Variants in SLC25A41 observed in about 807,000 individuals in gnomAD.
SLC25A41 encodes mitochondrial carrier protein SCaMC-3L.
SLC25A41 carries 35 observed loss-of-function variants against 34.7 expected under a neutral mutation model. That is an observed-to-expected ratio of 1.01 (90% CI 0.77 to 1.34). The LOEUF (loss-of-function observed/expected upper bound fraction) is 1.34. SLC25A41 is among the 40% of genes most tolerant of loss of function. The pLI is 0.00. For synonymous variants in SLC25A41, 190 were observed against 209.9 expected, an observed-to-expected ratio of 0.91 and a Z score of 0.82; for missense variants, 492 against 489.8, an observed-to-expected ratio of 1.00 and a Z score of -0.04.
Position 6,427,314 on chromosome 19 carries a change from C to G in SLC25A41, c.792+20G>C. The G allele has an allele frequency of 6.2e-7, 1 of 1,605,456 alleles. No individual in the cohort carries two copies. Among genetic ancestry groups the G allele is most frequent in the South Asian group, 1.1e-5 (1 of 90,530 alleles). On this transcript the variant is annotated intron_variant, in intron 5 of 6. Coordinates refer to ENST00000321510, the MANE Select transcript of SLC25A41 (RefSeq NM_173637.4). This position sits in a 1 kb window ranked among gnomAD's most constrained non-coding sequence, Gnocchi z 4.9. ...CCTGGGCTCCGGCCAGCCCTGCCAC[C>G]CCCTCTGCAGGACCCATACCTCATA...
chr19:6,433,568 C>T lies in SLC25A41; in HGVS notation c.126G>A (p.Trp42Ter), dbSNP rs150906124. 5.6e-6 allele frequency: 9 copies of T among 1,613,272 alleles called. No individual in the cohort carries two copies. The highest frequency in any genetic ancestry group is 5.1e-6 in the Non-Finnish European group (6 of 1,179,692). Residue 42 changes from tryptophan (W) to a stop codon, truncating the protein, a stop_gained, in exon 1 of 7, where the codon TGG (tryptophan) becomes TGA (stop). Transcript: ENST00000321510. LOFTEE classifies it high-confidence loss of function. ...PPQPPPPPPSWNPGCTHVYGY... is the reference protein window; with the variant it reads ...PPQPPPPPPS ...CATACACGTGTGTACAGCCAGGGTT[C>T]CAGGATGGGGGTGGAGGCGGAGGTT...
rs1375418141 is a variant in SLC25A41, at chr19:6,430,095, CGCCCTCCTGG to C, written c.420_429del (p.Gln141AlafsTer67). 6.2e-7 allele frequency: 1 copy of C among 1,613,048 alleles called. No individual in the cohort carries two copies. The highest frequency in any genetic ancestry group is 8.5e-7 in the Non-Finnish European group (1 of 1,179,564). ...TTGCCCCGCCACAGGGAGCGGAAGCCGCCCTCCTGGACCATGCTCTGTAGCCCCCCCAGCA... is the reference window on the plus strand; with the variant it reads ...TTGCCCCGCCACAGGGAGCGGAAGCCACCATGCTCTGTAGCCCCCCCAGCA... On this transcript the variant is annotated frameshift_variant, in exon 3 of 7. Coordinates refer to ENST00000321510, the MANE Select transcript of SLC25A41 (RefSeq NM_173637.4). LOFTEE classifies it high-confidence loss of function.
rs2092238336 is a variant in SLC25A41, at chr19:6,426,167, G to A, written c.*222C>T. On this transcript the variant is annotated 3_prime_UTR_variant, in exon 7 of 7. Coordinates refer to ENST00000321510, the MANE Select transcript of SLC25A41 (RefSeq NM_173637.4). ...TCTCAGGCTGCACCCTGGGGAGGGAGTCCCAGGAGTTTTCTGACCCAGCAC... is the reference window on the plus strand; with the variant it reads ...TCTCAGGCTGCACCCTGGGGAGGGAATCCCAGGAGTTTTCTGACCCAGCAC... 1 of 531,186 alleles carries A rather than the reference G, an allele frequency of 1.9e-6. No individual in the cohort carries two copies. The highest frequency in any genetic ancestry group is 3.4e-6 in the Non-Finnish European group (1 of 297,134). The allele number at this position is 531,186 out of a possible 1,614,324, so 32.9% of individuals were successfully genotyped here.
rs2092247027 is a variant in SLC25A41 at position 6,427,304 on chromosome 19, G to A, written c.792+30C>T. 2 of 1,606,212 alleles carry A rather than the reference G, an allele frequency of 1.2e-6. No homozygotes were observed. The highest frequency in any genetic ancestry group is 1.3e-5 in the African/African-American group (1 of 74,822). ...TCACTAGGAGCCTGGGCTCCGGCCA[G>A]CCCTGCCACCCCCTCTGCAGGACCC... is the stretch of plus-strand genomic sequence containing the variant. On this transcript the variant is annotated intron_variant, in intron 5 of 6. Coordinates refer to ENST00000321510, the MANE Select transcript of SLC25A41 (RefSeq NM_173637.4). This position sits in a 1 kb window ranked among gnomAD's most constrained non-coding sequence, Gnocchi z 4.9.
chr19:6,434,189 C>T (rs534506051), upstream of SLC25A41, among the ~76,000 whole-genome samples: 1 of 152,226 alleles, frequency 6.6e-6, no homozygotes, highest in South Asian at 2.1e-4. Flanking sequence ...ATGATCTGCC[C>T]ACCTCAGCCT....
rs758459773 is a variant in SLC25A41 at position 6,430,032 on chromosome 19, T to A, written c.493A>T (p.Ile165Phe). The change falls in exon 3 of 7, where the codon ATC (isoleucine) becomes TTC (phenylalanine). Residue 165 changes from isoleucine to phenylalanine, a missense_variant. Coordinates refer to ENST00000321510, the MANE Select transcript of SLC25A41 (RefSeq NM_173637.4). ...ACCTGCTCGAATACGGAGAACTTGATGGCATACTCAGGAGCAATCTTGAGC... is the reference window on the plus strand; with the variant it reads ...ACCTGCTCGAATACGGAGAACTTGAAGGCATACTCAGGAGCAATCTTGAGC... ...NVLKIAPEYA[I>F]KFSVFEQCKN... 1.2e-6 allele frequency: 2 copies of A among 1,612,624 alleles called. No homozygotes were observed. The highest frequency in any genetic ancestry group is 2.2e-5 in the South Asian group (2 of 90,836).
In SLC25A41 at chr19:6,432,122, A is replaced by G. The variant is rs140875095; in HGVS notation, c.290T>C (p.Leu97Pro). Residue 97 changes from leucine to proline, a missense_variant, in exon 2 of 7, where the codon CTC (leucine) becomes CCC (proline). By Grantham distance (98) the Leu-to-Pro change is moderately conservative. Coordinates refer to ENST00000321510, the MANE Select transcript of SLC25A41 (RefSeq NM_173637.4). ...DNKEALWKFL[L>P]SGAMAGAVSR... The stretch of plus-strand genomic sequence containing the variant: ...CACCGCCCCGGCCATAGCTCCTGAG[A>G]GTAGAAACTTCCACAAGGCCTCCTT... The G allele has an allele frequency of 3.1e-6, 5 of 1,613,922 alleles. No homozygotes were observed. The highest frequency in any genetic ancestry group is 1.7e-5 in the Admixed American group (1 of 59,998).
chr19:6,432,267 C>T, intron 1 of SLC25A41, 63 bp from the exon 2 acceptor site: 4 of 1,542,340 alleles, frequency 2.6e-6, no homozygotes, highest in Admixed American at 1.9e-5. Flanking sequence ...CCCAGACACA[C>T]ATCTAGGGCA....
rs939284914 is a variant in SLC25A41, at chr19:6,427,548, A to G, written c.625-47T>C. 4.1e-6 allele frequency: 6 copies of G among 1,453,204 alleles called. No homozygotes were observed. The highest frequency in any genetic ancestry group is 2.6e-5 in the Admixed American group (1 of 38,824). 90.0% of individuals were successfully genotyped at this position (1,453,204 alleles called of 1,614,324 possible). A position where few individuals can be genotyped will look rare whatever the true frequency, so the allele number is the denominator to read the frequency against. ...GCAGCTCATTTGATTGAATCCTGTC[A>G]ATGACCCTCGGGGTAGCCATTGTCC... On this transcript the variant is annotated intron_variant, in intron 4 of 6. Coordinates refer to ENST00000321510, the MANE Select transcript of SLC25A41 (RefSeq NM_173637.4). The surrounding 1 kb of genome is among the most constrained non-coding windows in gnomAD (Gnocchi z 4.9).
chr19:6,429,033 A>AT (rs1568349274), intron 4 of SLC25A41, among the ~76,000 whole-genome samples: 1 of 44,004 alleles, frequency 2.3e-5, no homozygotes, highest in Non-Finnish European at 3.4e-5. Flanking sequence ...TTATATATAT[A>AT]TATATAATAT....
chr19:6,435,864 CA>C (rs1188024567), upstream of SLC25A41, among the ~76,000 whole-genome samples: 1 of 150,814 alleles, frequency 6.6e-6, no homozygotes, highest in African/African-American at 2.4e-5. Context: ...CTCTAAAAAA[CA>C]AAAAAAGTAG....
rs370109126 is a variant in SLC25A41 at position 6,430,017 on chromosome 19, A to G, written c.508T>C (p.Phe170Leu). 1 of 1,612,304 alleles carries G rather than the reference A, an allele frequency of 6.2e-7. No individual in the cohort carries two copies. The highest frequency in any genetic ancestry group is 8.5e-7 in the Non-Finnish European group (1 of 1,179,160). ...GGCCCCTCATTCCCCACCTGCTCGA[A>G]TACGGAGAACTTGATGGCATACTCA... Reference protein sequence around the residue: ...APEYAIKFSVFEQCKNYFCGI... With the variant: ...APEYAIKFSVLEQCKNYFCGI... Residue 170 changes from phenylalanine to leucine, a missense_variant, in exon 3 of 7, where the codon TTC becomes CTC. Phe to Leu is a conservative substitution (Grantham distance 22, BLOSUM62 0). Coordinates refer to ENST00000321510, the MANE Select transcript of SLC25A41 (RefSeq NM_173637.4).
At chr19:6,428,387 CAG>C (rs2092253809) in intron 4 of SLC25A41, among the ~76,000 whole-genome samples, 1 of 137,836 alleles carries the variant, frequency 7.3e-6, no homozygotes, top group Non-Finnish European at 1.5e-5. Flanking sequence ...GCCTGGGTGA[CAG>C]AGTGAGACTC....
At chr19:6,435,988 T>C, upstream of SLC25A41, 1 of 157,910 alleles carries the variant, frequency 6.3e-6, no homozygotes, top group Non-Finnish European at 1.4e-5. Context: ...ACCCCTGCAT[T>C]CCAGCCTGGG....
At chr19:6,429,145 A>C (rs1307851334) in intron 4 of SLC25A41, among the ~76,000 whole-genome samples, 1 of 51,306 alleles carries the variant, frequency 1.9e-5, no homozygotes, top group African/African-American at 1.1e-4. Context: ...TATATATATA[A>C]TATATATATT....
rs377258418 is a variant in SLC25A41, at chr19:6,429,728, A to C, written c.620T>G (p.Met207Arg). 1.3e-6 allele frequency: 2 copies of C among 1,587,818 alleles called. No individual in the cohort carries two copies. Among genetic ancestry groups the C allele is most frequent in the Non-Finnish European group, 1.7e-6 (2 of 1,169,600 alleles). The change falls in exon 4 of 7, where the codon ATG (methionine) becomes AGG (arginine). Residue 207 changes from methionine (M) to arginine (R), a missense_variant. Physicochemically the swap from Met to Arg is moderately conservative, Grantham distance 91. Transcript: ENST00000321510. ...VAISQTLINPMEVLKTRLTLR... is the reference protein window; with the variant it reads ...VAISQTLINPREVLKTRLTLR... ...GCGGGGCACATGCTCTCTTACCTCC[A>C]TGGGGTTGATGAGGGTCTGGGAGAT...
intron 3 of SLC25A41, 77 bp downstream of exon 3, chr19:6,429,932 G>T: frequency 6.3e-7 from 1 of 1,591,030 alleles, no homozygotes. Context: ...GTGTGTGCTT[G>T]AACAAGGGCC....
rs1235115408 is a variant in SLC25A41 at position 6,427,633 on chromosome 19, G to C, written c.625-132C>G. 2 of 1,004,114 alleles carry C rather than the reference G, an allele frequency of 2.0e-6. No homozygotes were observed. Among genetic ancestry groups the C allele is most frequent in the Non-Finnish European group, 2.8e-6 (2 of 724,948 alleles). 62.2% of individuals were successfully genotyped at this position (1,004,114 alleles called of 1,614,324 possible). On this transcript the variant is annotated intron_variant, in intron 4 of 6. Transcript: ENST00000321510. This position sits in a 1 kb window ranked among gnomAD's most constrained non-coding sequence, Gnocchi z 4.9. ...GGCAAAGAGCTGGGTTTCAGACCCG[G>C]ATCTGTCAGATTCCATGGAATGCTC...
chr19:6,426,977 T>A, intron 6 of SLC25A41, 126 bp downstream of exon 6: 1 of 1,080,692 alleles, frequency 9.3e-7, no homozygotes, highest in Non-Finnish European at 1.3e-6. Context: ...GTCTCAAAAG[T>A]TATCAAAAGT....
Sources: allele counts gnomAD v4.1 joint callset (sites outside exome capture counted in the v4.1 genomes callset), GRCh38; gene constraint gnomAD v4.1.1; non-coding constraint Gnocchi (gnomAD v3.1); transcripts MANE v1.5; gene names NCBI Gene and HGNC (gene_info 2026-07-23, HGNC 2026-07-21).